Variants in STARD3 observed in about 807,000 individuals in gnomAD.
STARD3 encodes stAR-related lipid transfer protein 3.
In STARD3, 39 loss-of-function variants were observed where a neutral mutation model predicts 62.0. That is an observed-to-expected ratio of 0.63 (90% CI 0.49 to 0.82). The LOEUF is 0.82. STARD3 is among the 40% of genes least tolerant of loss of function. The probability of loss-of-function intolerance (pLI) is 0.00; values close to 1 mark genes in which losing one functional copy is unlikely to be tolerated. For missense variants in STARD3, 543 were observed against 584.5 expected (o/e 0.93, Z 0.73); for synonymous variants, 229 against 242.4 (o/e 0.94, Z 0.51).
intron 1 of STARD3, among the ~76,000 whole-genome samples, chr17:39,644,076 G>A (rs1171131795): frequency 1.3e-5 from 2 of 152,196 alleles, no homozygotes; most frequent in Non-Finnish European, 2.9e-5. Flanking sequence ...GCCCCCATGG[G>A]CAGGGGGTGC....
At chr17:39,659,838 TGTTTC>T in intron 9 of STARD3, 1 of 485,218 alleles carries the variant, frequency 2.1e-6, no homozygotes, top group South Asian at 2.3e-5. Flanking sequence ...CTGCATCCGT[TGTTTC>T]GTTTCATGAT....
At chr17:39,651,916 G>A in intron 1 of STARD3, 1 of 152,348 alleles carries the variant, frequency 6.6e-6, no homozygotes, top group Non-Finnish European at 1.5e-5. Context: ...AAGGGACGGG[G>A]CCTCTTAGAG....
chr17:39,637,452 G>T (rs1460250654), intron 1 of STARD3: 1 of 152,332 alleles, frequency 6.6e-6, no homozygotes, highest in Non-Finnish European at 1.5e-5. Context: ...ATCCTGGGGA[G>T]CCCGGGGAGG....
chr17:39,658,340 C>G (rs765412307), intron 5 of STARD3, 65 bp from the exon 6 acceptor site: 64 of 1,474,100 alleles, frequency 4.3e-5, no homozygotes, highest in Non-Finnish European at 5.5e-5. Flanking sequence ...GAGTTGGTAG[C>G]CACAGAAGGG....
At position 39,654,570 on chromosome 17, in the gene STARD3, C is replaced by A. The variant is rs565001120; in HGVS notation, c.219+820C>A. On this transcript the variant is annotated intron_variant, in intron 2 of 14. Coordinates refer to ENST00000336308, the MANE Select transcript of STARD3 (RefSeq NM_006804.4). ...ACCCTCAGGAACACAGTCTAGTTGG[C>A]AGTGGCCTGATCTGGTCTCCAGGCA... 6.9e-5 allele frequency among the ~76,000 whole-genome samples: 10 copies of A among 145,092 alleles called. No homozygotes were observed. In the East Asian group the frequency reaches 1.9e-3, roughly 28 times the overall value.
chr17:39,637,791 T>G (rs1002370996), intron 1 of STARD3, among the ~76,000 whole-genome samples: 3 of 152,150 alleles, frequency 2.0e-5, no homozygotes, highest in Non-Finnish European at 4.4e-5. Flanking sequence ...TGTCTCCTGG[T>G]TTTCTTCGTA....
intron 9 of STARD3, chr17:39,659,764 G>A (rs549741139): frequency 2.0e-6 from 1 of 494,546 alleles, no homozygotes; most frequent in East Asian, 3.5e-5. Flanking sequence ...CACCCCCCAT[G>A]TTTACTTCCC....
rs558215374 is a variant in STARD3 at position 39,656,974 on chromosome 17, T to C, written c.220-34T>C. 7.6e-5 allele frequency: 122 copies of C among 1,611,850 alleles called. 2 individuals are homozygous for C. In the South Asian group the frequency reaches 1.2e-3, roughly 16 times the overall value. On this transcript the variant is annotated intron_variant, in intron 2 of 14. Coordinates refer to ENST00000336308, the MANE Select transcript of STARD3 (RefSeq NM_006804.4). The stretch of plus-strand genomic sequence containing the variant: ...AGGGGCAGCCCCAGGCCCTTGCTTC[T>C]ACCTGCAGAGCTCTTCCTGTCTCCC...
At chr17:39,641,209 C>A (rs1418517156) in intron 1 of STARD3, among the ~76,000 whole-genome samples, 1 of 152,166 alleles carries the variant, frequency 6.6e-6, no homozygotes, top group Non-Finnish European at 1.5e-5. Flanking sequence ...ATTACGGATC[C>A]ACAGACTAGC....
chr17:39,650,680 G>C (rs752073674), intron 1 of STARD3, among the ~76,000 whole-genome samples: 9 of 152,186 alleles, frequency 5.9e-5, no homozygotes, highest in Admixed American at 3.3e-4. Context: ...CTGGTGTGGT[G>C]GCGGGCGCCT....
chr17:39,639,273 C>CG lies in STARD3; in HGVS notation c.-52+2042_-52+2043insG, dbSNP rs563660631. On this transcript the variant is annotated intron_variant, in intron 1 of 14. Coordinates refer to ENST00000336308, the MANE Select transcript of STARD3 (RefSeq NM_006804.4). ...AAATAAAATGCTGGAGTGGAGGACA[C>CG]TGGGGGCAGGGTCTGGATTTATTGA... Among the ~76,000 whole-genome samples the CG allele has an allele frequency of 2.3e-3, 350 of 152,278 alleles. 4 individuals carry two copies. The highest frequency in any genetic ancestry group is 4.0e-3 in the Non-Finnish European group (274 of 68,028).
chr17:39,659,930 C>T, intron 9 of STARD3: 1 of 554,402 alleles, frequency 1.8e-6, no homozygotes, highest in Non-Finnish European at 3.2e-6. Flanking sequence ...TCTCTCTGGC[C>T]AGTTCTTGTG....
chr17:39,661,037 G>A lies in STARD3; in HGVS notation c.1091G>A (p.Gly364Glu), dbSNP rs1349704244. 1.9e-6 allele frequency: 3 copies of A among 1,613,646 alleles called. No individual in the cohort carries two copies. Among genetic ancestry groups the A allele is most frequent in the Admixed American group, 1.7e-5 (1 of 59,996 alleles). The change falls in exon 13 of 15, where the codon GGG becomes GAG. Residue 364 changes from glycine to glutamate, a missense_variant. Transcript: ENST00000336308. The stretch of plus-strand genomic sequence containing the variant: ...CGCAGGGACCGATACTTGTCATCAG[G>A]GATCGCCACCTCACACAGTGCCAAG... ...ERRRDRYLSS[G>E]IATSHSAKPP... is the part of the protein sequence containing the mutation.
chr17:39,658,930 AGCAAC>A, intron 7 of STARD3, 110 bp downstream of exon 7: 1 of 1,558,742 alleles, frequency 6.4e-7, no homozygotes, highest in Non-Finnish European at 8.8e-7. Flanking sequence ...GGGGAAAGCC[AGCAAC>A]CCTCTCCCAC....
intron 1 of STARD3, among the ~76,000 whole-genome samples, chr17:39,646,598 G>T (rs2057028057): frequency 6.6e-6 from 1 of 152,178 alleles, no homozygotes; most frequent in African/African-American, 2.4e-5. Flanking sequence ...AGTCTCAGAA[G>T]GGTTATGCTT....
Position 39,660,988 on chromosome 17 carries a change from G to A in STARD3, c.1042G>A (p.Val348Met), listed in dbSNP as rs930419257. The A allele has an allele frequency of 1.9e-6, 3 of 1,613,734 alleles. No individual in the cohort carries two copies. The highest frequency in any genetic ancestry group is 2.5e-6 in the Non-Finnish European group (3 of 1,179,972). ...AGGVVSPRDF[V>M]NVRRIERRRD... Reference sequence around the variant, plus strand: ...TAACCCTCCCTCCCGCAGGGACTTCGTGAATGTCCGGCGCATTGAGCGGCG... The same window carrying A: ...TAACCCTCCCTCCCGCAGGGACTTCATGAATGTCCGGCGCATTGAGCGGCG... The change falls in exon 13 of 15, where the codon GTG becomes ATG. Residue 348 changes from valine to methionine, a missense_variant. Physicochemically the swap from Val to Met is conservative, Grantham distance 21 (BLOSUM62 1). Transcript: ENST00000336308. The surrounding 1 kb of genome is among the most constrained non-coding windows in gnomAD (Gnocchi z 4.8).
In STARD3 at chr17:39,661,042, G is replaced by A. The variant is rs376946622; in HGVS notation, c.1096G>A (p.Ala366Thr). ...RRDRYLSSGI[A>T]TSHSAKPPTH... ...GGACCGATACTTGTCATCAGGGATC[G>A]CCACCTCACACAGTGCCAAGCCCCC... The change falls in exon 13 of 15, where the codon GCC (alanine) becomes ACC (threonine). Residue 366 changes from alanine to threonine, a missense_variant. Transcript: ENST00000336308. 2.5e-5 allele frequency: 40 copies of A among 1,613,586 alleles called. No individual in the cohort carries two copies. The highest frequency in any genetic ancestry group is 3.2e-5 in the Non-Finnish European group (38 of 1,180,018).
At chr17:39,659,363 C>G (rs571590944) in intron 8 of STARD3, 98 bp from the exon 9 acceptor site, 1 of 1,276,440 alleles carries the variant, frequency 7.8e-7, no homozygotes, top group East Asian at 2.4e-5. Flanking sequence ...CCAGGCCCCT[C>G]TGGGAAGCAT....
intron 1 of STARD3, chr17:39,653,196 GT>G (rs1392058986): frequency 2.5e-6 from 1 of 405,102 alleles, no homozygotes; most frequent in Non-Finnish European, 4.6e-6. Context: ...CCAGGAGGGG[GT>G]AGGTGCCCAT....
Sources: gnomAD v4.1 joint callset for allele counts (sites outside exome capture counted in the v4.1 genomes callset) on GRCh38, gnomAD v4.1.1 for gene constraint, Gnocchi (gnomAD v3.1) non-coding constraint, MANE v1.5 for transcripts, NCBI Gene and HGNC (gene_info 2026-07-23, HGNC 2026-07-21) for gene names.